Variants in SLIT3 observed in about 807,000 individuals in gnomAD.
SLIT3 encodes the protein slit guidance ligand 3.
SLIT3 carries 68 observed loss-of-function variants against 184.0 expected under a neutral mutation model. The observed-to-expected ratio is 0.37, with a 90% CI of 0.30 to 0.45. The LOEUF (loss-of-function observed/expected upper bound fraction) is 0.45, where lower values mean the gene tolerates loss of function less well. SLIT3 is among the 20% of genes least tolerant of loss of function. The pLI, the probability that SLIT3 is intolerant of heterozygous loss-of-function variation, is 1.00. For missense variants in SLIT3, 1,707 were observed against 2,026.0 expected, an observed-to-expected ratio of 0.84 and a Z score of 3.02; for synonymous variants, 831 against 828.6, an observed-to-expected ratio of 1.00 and a Z score of -0.05.
intron 9 of SLIT3, among the ~76,000 whole-genome samples, chr5:168,797,498 G>A (rs1349624204): frequency 9.2e-5 from 14 of 152,228 alleles, no homozygotes; most frequent in South Asian, 2.1e-4. Context: ...CTAGCACTGG[G>A]TGTGAGGTCT....
intron 1 of SLIT3, among the ~76,000 whole-genome samples, chr5:169,269,850 T>C (rs1766538331): frequency 6.6e-6 from 1 of 152,220 alleles, no homozygotes; most frequent in East Asian, 1.9e-4. Flanking sequence ...TTTTAAAACT[T>C]CTGATTATTC....
chr5:169,149,307 A>G (rs903598253), intron 4 of SLIT3, among the ~76,000 whole-genome samples: 1 of 151,498 alleles, frequency 6.6e-6, no homozygotes, highest in Non-Finnish European at 1.5e-5. Context: ...AAAAAAAGAT[A>G]CAGCCTAAAC....
intron 7 of SLIT3, among the ~76,000 whole-genome samples, chr5:168,818,497 C>A (rs1447054596): frequency 6.6e-6 from 1 of 152,240 alleles, no homozygotes; most frequent in Non-Finnish European, 1.5e-5. Context: ...TCCACGTTCC[C>A]TACAACCCTA....
chr5:168,739,858 A>G (rs953286768), intron 20 of SLIT3, among the ~76,000 whole-genome samples: 5 of 152,234 alleles, frequency 3.3e-5, no homozygotes, highest in Admixed American at 2.6e-4. Context: ...GCTGTCTTCT[A>G]GGAAGCTAGA....
intron 16 of SLIT3, among the ~76,000 whole-genome samples, chr5:168,758,925 C>T (rs570942091): frequency 5.6e-4 from 86 of 152,292 alleles, no homozygotes; most frequent in African/African-American, 2.0e-3. Flanking sequence ...ACACCTGACA[C>T]CTTTGCTTTC....
At chr5:168,846,935 A>G (rs1025113669) in intron 5 of SLIT3, among the ~76,000 whole-genome samples, 1 of 106,540 alleles carries the variant, frequency 9.4e-6, no homozygotes, top group Non-Finnish European at 1.8e-5. Context: ...GGAGAAAGAG[A>G]ATAAAAAAAG....
At chr5:169,182,370 C>T (rs1249363503) in intron 4 of SLIT3, among the ~76,000 whole-genome samples, 2 of 152,172 alleles carry the variant, frequency 1.3e-5, no homozygotes, top group Non-Finnish European at 2.9e-5. Flanking sequence ...AATATTGTAT[C>T]AACACTTTCA....
intron 8 of SLIT3, among the ~76,000 whole-genome samples, chr5:168,811,893 T>C (rs538631569): frequency 1.1e-4 from 17 of 152,338 alleles, no homozygotes; most frequent in African/African-American, 3.6e-4. Context: ...ATCATTGTGT[T>C]GGTGAGGTAT....
chr5:168,892,678 C>T (rs560814728), intron 4 of SLIT3, among the ~76,000 whole-genome samples: 5 of 152,336 alleles, frequency 3.3e-5, no homozygotes, highest in East Asian at 1.9e-4. Context: ...ACCACTCTTC[C>T]AGGGCTATCA....
At chr5:169,085,745 A>G (rs1485559449) in intron 4 of SLIT3, among the ~76,000 whole-genome samples, 1 of 152,230 alleles carries the variant, frequency 6.6e-6, no homozygotes, top group East Asian at 1.9e-4. Flanking sequence ...ACGCTCTGTC[A>G]TCGCTCTCAT....
chr5:168,925,458 T>C (rs969850927), intron 4 of SLIT3, among the ~76,000 whole-genome samples: 2 of 152,184 alleles, frequency 1.3e-5, no homozygotes, highest in East Asian at 3.8e-4. Flanking sequence ...GAGGGTTCCC[T>C]GGCAGGTCTC....
rs1163238928 is a variant in SLIT3, at chr5:168,718,677, T to TACACACACACAC, written c.2483+3567_2483+3578dup. Among the ~76,000 whole-genome samples the TACACACACACAC allele has an allele frequency of 6.2e-3, 679 of 108,672 alleles. 26 individuals carry two copies. The highest frequency in any genetic ancestry group is 9.5e-3 in the African/African-American group (288 of 30,204). The allele number at this position is 108,672 out of a possible 152,430, so 71.3% of individuals were successfully genotyped here. On this transcript the variant is annotated intron_variant, in intron 23 of 35. Coordinates refer to ENST00000519560, the MANE Select transcript of SLIT3 (RefSeq NM_003062.4). ...CCTGAAATGTATTCATATCCACCCA[T>TACACACACACAC]ACACACACACACACACACACACACA... is the stretch of plus-strand genomic sequence containing the variant.
intron 5 of SLIT3, among the ~76,000 whole-genome samples, chr5:168,863,569 T>C (rs2113752973): frequency 6.6e-6 from 1 of 152,286 alleles, no homozygotes; most frequent in South Asian, 2.1e-4. Context: ...ATGATCATGG[T>C]TTCCAGTTAT....
In SLIT3 at chr5:168,709,010, G is replaced by A. The variant is rs959823571; in HGVS notation, c.2720-910C>T. Among the ~76,000 whole-genome samples, 11 of 152,106 alleles carry A rather than the reference G, an allele frequency of 7.2e-5. No homozygotes were observed. The East Asian group carries it at 2.1e-3, about 29-fold the overall frequency. On this transcript the variant is annotated intron_variant, in intron 25 of 35. Transcript: ENST00000519560. ...GGGCTGAGGGGGTTTGCAGGACACA[G>A]AGCTTTCAGTGCTAAAACCAAGAAT...
intron 6 of SLIT3, among the ~76,000 whole-genome samples, chr5:168,837,214 C>T (rs944559243): frequency 2.6e-5 from 4 of 152,144 alleles, no homozygotes; most frequent in South Asian, 2.1e-4. Context: ...TCACAATTTA[C>T]AGCACAGTAC....
In SLIT3 at chr5:168,755,400, T is replaced by TCCTTCCTTCCTTC. The variant is rs1491510050; in HGVS notation, c.1686-1394_1686-1393insGAAGGAAGGAAGG. ...CCCTCAGTGCCGCCATTTCTTTCTT[T>TCCTTCCTTCCTTC]CTTTCTTTCTTTCTTTCTTTCTTTC... On this transcript the variant is annotated intron_variant, in intron 16 of 35. Coordinates refer to ENST00000519560, the MANE Select transcript of SLIT3 (RefSeq NM_003062.4). 2.9e-4 allele frequency among the ~76,000 whole-genome samples: 5 copies of TCCTTCCTTCCTTC among 17,516 alleles called. No individual in the cohort carries two copies. The East Asian group carries it at 7.3e-3, about 26-fold the overall frequency. 11.5% of individuals were successfully genotyped at this position (17,516 alleles called of 152,430 possible). A position where few individuals can be genotyped will look rare whatever the true frequency, so the allele number is the denominator to read the frequency against.
intron 4 of SLIT3, among the ~76,000 whole-genome samples, chr5:169,065,850 T>A (rs983750118): frequency 6.6e-6 from 1 of 152,218 alleles, no homozygotes; most frequent in African/African-American, 2.4e-5. Flanking sequence ...AAGGCTACTT[T>A]AAAGTAACAC....
intron 4 of SLIT3, among the ~76,000 whole-genome samples, chr5:168,905,218 C>T (rs1761008454): frequency 6.6e-6 from 1 of 152,004 alleles, no homozygotes; most frequent in Non-Finnish European, 1.5e-5. Flanking sequence ...CCCTGCTCAT[C>T]AACAGAGGTG....
At chr5:169,122,117 A>C (rs1561679338) in intron 4 of SLIT3, among the ~76,000 whole-genome samples, 1 of 152,206 alleles carries the variant, frequency 6.6e-6, no homozygotes, top group Non-Finnish European at 1.5e-5. Flanking sequence ...TGCTGCTTCT[A>C]AATTCCATTT....
Sources: gnomAD v4.1 joint callset for allele counts (sites outside exome capture counted in the v4.1 genomes callset) on GRCh38, gnomAD v4.1.1 for gene constraint, MANE v1.5 for transcripts, NCBI Gene and HGNC (gene_info 2026-07-23, HGNC 2026-07-21) for gene names.